The following PDIA3 variants were observed in gnomAD, a reference collection of about 807,000 sequenced individuals.
PDIA3 encodes protein disulfide isomerase family A member 3.
A neutral mutation model predicts 56.9 loss-of-function variants in PDIA3; 16 were observed. The ratio of observed to expected loss-of-function variants is 0.28; its 90% confidence interval spans 0.19 to 0.43. PDIA3 has a LOEUF of 0.43. Among genes scored for constraint, PDIA3 ranks in the 20% least tolerant of loss-of-function variants. PDIA3 has a pLI of 1.00. For missense variants in PDIA3, 485 were observed against 621.3 expected (o/e 0.78, Z 2.33); for synonymous variants, 192 against 216.5 (o/e 0.89, Z 0.99).
intron 4 of PDIA3, 90 bp from the exon 5 acceptor site, chr15:43,762,987 T>TTA: frequency 7.8e-7 from 1 of 1,280,988 alleles, no homozygotes; most frequent in Non-Finnish European, 1.1e-6. Context: ...AATGAAATGT[T>TTA]TATGGTTTAT....
At chr15:43,768,381 T>C in intron 8 of PDIA3, 108 bp from the exon 9 acceptor site, 2 of 717,760 alleles carry the variant, frequency 2.8e-6, no homozygotes, top group Admixed American at 4.8e-5. Flanking sequence ...GTCCCCCTTT[T>C]TTAGCCTTGA....
Position 43,746,449 on chromosome 15 carries a change from C to G in PDIA3, c.-91C>G. 2 of 1,270,746 alleles carry G rather than the reference C, an allele frequency of 1.6e-6. No homozygotes were observed. Among genetic ancestry groups the G allele is most frequent in the Non-Finnish European group, 2.1e-6 (2 of 965,642 alleles). 78.7% of individuals were successfully genotyped at this position (1,270,746 alleles called of 1,614,324 possible). ...GGTCCGCCTGGGCCAGACGCGCGAG[C>G]GCAAGCAGCGGGTTAGTGGTCGCGC... On this transcript the variant is annotated 5_prime_UTR_variant, in exon 1 of 13. Transcript: ENST00000300289.
chr15:43,766,131 AG>A, intron 7 of PDIA3, 119 bp downstream of exon 7: 6 of 538,790 alleles, frequency 1.1e-5, no homozygotes, highest in East Asian at 7.2e-5. Flanking sequence ...CCTTAAGAAG[AG>A]GTAAAAAAAA....
In PDIA3 at chr15:43,772,608, A is replaced by G. The variant is rs3862142; in HGVS notation, c.*1390A>G. On this transcript the variant is annotated 3_prime_UTR_variant, in exon 13 of 13. Coordinates refer to ENST00000300289, the MANE Select transcript of PDIA3 (RefSeq NM_005313.5). ...ACATATAAACTTGTACAAAGGACACAGAAGCAGTCAGTTTTAATTTTTTAG... is the reference window on the plus strand; with the variant it reads ...ACATATAAACTTGTACAAAGGACACGGAAGCAGTCAGTTTTAATTTTTTAG... 1 of 152,248 alleles carries G rather than the reference A, an allele frequency of 6.6e-6. No individual in the cohort carries two copies. Among genetic ancestry groups the G allele is most frequent in the African/African-American group, 2.4e-5 (1 of 41,408 alleles). 9.4% of individuals were successfully genotyped at this position (152,248 alleles called of 1,614,324 possible).
chr15:43,752,577 C>T (rs2086751691), intron 1 of PDIA3, among the ~76,000 whole-genome samples: 1 of 152,198 alleles, frequency 6.6e-6, no homozygotes, highest in South Asian at 2.1e-4. Flanking sequence ...CTTATACACT[C>T]CTTTATCTTG....
At chr15:43,762,169 A>T (rs2086820365) in intron 4 of PDIA3, among the ~76,000 whole-genome samples, 1 of 152,140 alleles carries the variant, frequency 6.6e-6, no homozygotes, top group Admixed American at 6.5e-5. Context: ...AATAAATTTA[A>T]ACATAAAAGC....
rs545568853 is a variant in PDIA3 at position 43,771,354 on chromosome 15, T to C, written c.*136T>C. On this transcript the variant is annotated 3_prime_UTR_variant, in exon 13 of 13. Coordinates refer to ENST00000300289, the MANE Select transcript of PDIA3 (RefSeq NM_005313.5). ...CAGAATGGATATAATCTGAATCCTG[T>C]TAAATTTTCTCTAAACTGTTTCTTA... The C allele has an allele frequency of 1.8e-6, 1 of 548,276 alleles. No homozygotes were observed. Among genetic ancestry groups the C allele is most frequent in the African/African-American group, 1.9e-5 (1 of 52,450 alleles). The allele number at this position is 548,276 out of a possible 1,614,324, so 34.0% of individuals were successfully genotyped here.
chr15:43,756,955 C>T (rs565229995), intron 3 of PDIA3, among the ~76,000 whole-genome samples, 189 bp downstream of exon 3: 1 of 152,290 alleles, frequency 6.6e-6, no homozygotes, highest in African/African-American at 2.4e-5. Flanking sequence ...AGAAAATACA[C>T]AAACTTGATT....
At chr15:43,749,944 C>CA (rs950397234) in intron 1 of PDIA3, among the ~76,000 whole-genome samples, 1 of 149,936 alleles carries the variant, frequency 6.7e-6, no homozygotes, top group Admixed American at 6.7e-5. Context: ...GAGACCATCT[C>CA]AAAAAAGAAA....
At chr15:43,765,800 C>T in intron 6 of PDIA3, 87 bp from the exon 7 acceptor site, 4 of 1,387,772 alleles carry the variant, frequency 2.9e-6, no homozygotes, top group Non-Finnish European at 2.0e-6. Context: ...CTCTTTCCTT[C>T]ATAAATGCTA....
chr15:43,756,999 A>C lies in PDIA3; in HGVS notation c.364+233A>C, dbSNP rs144522550. Among the ~76,000 whole-genome samples, 27 of 152,354 alleles carry C rather than the reference A, an allele frequency of 1.8e-4. No homozygotes were observed. In the East Asian group the frequency reaches 5.0e-3, roughly 28 times the overall value. On this transcript the variant is annotated intron_variant, in intron 3 of 12. Coordinates refer to ENST00000300289, the MANE Select transcript of PDIA3 (RefSeq NM_005313.5). The stretch of plus-strand genomic sequence containing the variant: ...CAGCTCGACATTTTTTCATTTTACA[A>C]ATATTTATTGAGTAATTACTGTGTG...
intron 1 of PDIA3, 87 bp downstream of exon 1, chr15:43,746,793 C>G: frequency 2.8e-6 from 4 of 1,422,448 alleles, no homozygotes; most frequent in Non-Finnish European, 3.9e-6. Flanking sequence ...TACGCAGCGC[C>G]GGGGCCCTTC....
chr15:43,769,998 G>T (rs1314557944), intron 10 of PDIA3, among the ~76,000 whole-genome samples: 5 of 152,152 alleles, frequency 3.3e-5, no homozygotes, highest in African/African-American at 1.2e-4. Context: ...TTTGAAGGTG[G>T]CAATATGTAG....
chr15:43,754,865 G>A lies in PDIA3; in HGVS notation c.246+963G>A, dbSNP rs118156656. 2.5e-3 allele frequency among the ~76,000 whole-genome samples: 386 copies of A among 152,040 alleles called. 6 individuals are homozygous for A. The East Asian group carries it at 0.055, about 22-fold the overall frequency. ...CAGCTACTCAGAGGCTGAGGTGGAA[G>A]GATTGCTTAAGCCAGAGAGGTTGAG... On this transcript the variant is annotated intron_variant, in intron 2 of 12. Transcript: ENST00000300289.
intron 5 of PDIA3, among the ~76,000 whole-genome samples, 167 bp downstream of exon 5, chr15:43,763,373 C>G (rs1188836880): frequency 6.6e-6 from 1 of 152,204 alleles, no homozygotes; most frequent in Non-Finnish European, 1.5e-5. Flanking sequence ...GCGCCTCAAC[C>G]TCCTGCATAG....
chr15:43,754,980 A>T (rs1205083371), intron 2 of PDIA3, among the ~76,000 whole-genome samples: 1 of 152,140 alleles, frequency 6.6e-6, no homozygotes, highest in South Asian at 2.1e-4. Context: ...AGTAAAGTAT[A>T]TGGTAAATAA....
intron 5 of PDIA3, among the ~76,000 whole-genome samples, chr15:43,764,765 GC>G (rs978258185): frequency 6.6e-6 from 1 of 152,118 alleles, no homozygotes; most frequent in Non-Finnish European, 1.5e-5. Context: ...ACCACACCCA[GC>G]CCGCTATTGT....
chr15:43,750,075 CTT>C (rs1555455268), intron 1 of PDIA3, among the ~76,000 whole-genome samples: 2 of 135,404 alleles, frequency 1.5e-5, no homozygotes, highest in African/African-American at 5.5e-5. Context: ...GCTTTGCTTG[CTT>C]TTTTTTTTTT....
chr15:43,770,401 C>T, intron 11 of PDIA3, 72 bp downstream of exon 11: 1 of 1,390,072 alleles, frequency 7.2e-7, no homozygotes, highest in Non-Finnish European at 1.0e-6. Flanking sequence ...ACCAGGAAAT[C>T]ATTACTAGAC....
Sources: gnomAD v4.1 joint callset for allele counts (sites outside exome capture counted in the v4.1 genomes callset) on GRCh38, gnomAD v4.1.1 for gene constraint, MANE v1.5 for transcripts, NCBI Gene and HGNC (gene_info 2026-07-23, HGNC 2026-07-21) for gene names.